Variants in CSMD2 observed in about 807,000 individuals in gnomAD.
The protein encoded by CSMD2 is CUB and sushi domain-containing protein 2.
CSMD2 carries 130 observed loss-of-function variants against 398.5 expected under a neutral mutation model. The observed-to-expected ratio is 0.33, with a 90% CI of 0.28 to 0.38. The LOEUF is 0.38. Ranked by LOEUF, CSMD2 falls within the 10% of genes least tolerant of loss-of-function variation. CSMD2 has a pLI of 1.00. For synonymous variants in CSMD2, 1,828 were observed against 1,908.5 expected (o/e 0.96, Z 1.10); for missense variants, 3,829 against 4,764.9 (o/e 0.80, Z 5.78).
chr1:33,579,087 C>T lies in CSMD2; in HGVS notation c.7388-1603G>A, dbSNP rs866206448. ...CGCCATGTAATTAACTCACTTTCTA[C>T]GTGGCATATGTATTGTAATTACAAC... is the stretch of plus-strand genomic sequence containing the variant. On this transcript the variant is annotated intron_variant, in intron 48 of 70. Transcript: ENST00000373381. Among the ~76,000 whole-genome samples the T allele has an allele frequency of 7.2e-5, 11 of 152,270 alleles. No individual in the cohort carries two copies. The East Asian group carries it at 7.7e-4, about 11-fold the overall frequency.
At chr1:34,118,390 C>T (rs754550767) in intron 1 of CSMD2, among the ~76,000 whole-genome samples, 10 of 152,210 alleles carry the variant, frequency 6.6e-5, no homozygotes, top group East Asian at 5.8e-4. Flanking sequence ...CCAGTCTATT[C>T]GGTATAATAC....
chr1:33,734,811 A>AAAAAAGAAAAGG (rs1646833020), intron 15 of CSMD2, among the ~76,000 whole-genome samples: 1 of 152,084 alleles, frequency 6.6e-6, no homozygotes. Context: ...AAAGAAAAAG[A>AAAAAAGAAAAGG]AAAAAGAAAA....
At chr1:34,120,980 T>G (rs1662124265) in intron 1 of CSMD2, among the ~76,000 whole-genome samples, 1 of 152,198 alleles carries the variant, frequency 6.6e-6, no homozygotes, top group African/African-American at 2.4e-5. Context: ...ACCCAACATA[T>G]TACATATTTA....
chr1:33,993,542 T>A lies in CSMD2; in HGVS notation c.517+39052A>T, dbSNP rs995457853. ...TTCTCTATCAGCAAGTCCACACTTC[T>A]ACACCCTCAGCCAGCCTCTCCCTCT... is the stretch of plus-strand genomic sequence containing the variant. On this transcript the variant is annotated intron_variant, in intron 3 of 70. Transcript: ENST00000373381. 2.0e-5 allele frequency among the ~76,000 whole-genome samples: 3 copies of A among 150,024 alleles called. No homozygotes were observed. The East Asian group carries it at 6.7e-4, about 34-fold the overall frequency.
chr1:33,626,747 C>T (rs1268288367), intron 32 of CSMD2, among the ~76,000 whole-genome samples, 166 bp from the exon 33 acceptor site: 4 of 152,336 alleles, frequency 2.6e-5, no homozygotes, highest in South Asian at 2.1e-4. Flanking sequence ...CTGCACTTTA[C>T]AATTTAAAGT....
intron 53 of CSMD2, among the ~76,000 whole-genome samples, chr1:33,566,382 G>T (rs183667075): frequency 3.3e-5 from 5 of 151,730 alleles, no homozygotes; most frequent in African/African-American, 1.2e-4. Context: ...AGTCAAATAC[G>T]TAGAAACAGA....
chr1:33,614,077 T>A (rs1253185083), intron 40 of CSMD2, among the ~76,000 whole-genome samples: 2 of 152,160 alleles, frequency 1.3e-5, no homozygotes, highest in African/African-American at 4.8e-5. Flanking sequence ...GGATGATAAA[T>A]TAGACACTGG....
intron 1 of CSMD2, among the ~76,000 whole-genome samples, chr1:34,129,279 C>CGT (rs375531212): frequency 6.6e-6 from 1 of 151,986 alleles, no homozygotes; most frequent in Middle Eastern, 3.4e-3. Context: ...TGTGTAGAAG[C>CGT]GTGTGTGTGT....
At chr1:34,090,221 G>A (rs1311796087) in intron 1 of CSMD2, among the ~76,000 whole-genome samples, 1 of 152,156 alleles carries the variant, frequency 6.6e-6, no homozygotes, top group Non-Finnish European at 1.5e-5. Context: ...GATCGACACC[G>A]GGGTGGAGCT....
chr1:33,678,816 C>G (rs1251803909), intron 25 of CSMD2, among the ~76,000 whole-genome samples: 2 of 152,128 alleles, frequency 1.3e-5, no homozygotes, highest in Admixed American at 6.5e-5. Context: ...AAATAAAAGG[C>G]TCTTCTCTTC....
intron 26 of CSMD2, among the ~76,000 whole-genome samples, chr1:33,659,648 G>A (rs977021473): frequency 2.0e-5 from 3 of 152,226 alleles, no homozygotes; most frequent in Non-Finnish European, 1.5e-5. Flanking sequence ...TCCTGAGGAT[G>A]CACACCCATT....
At chr1:33,865,068 G>T (rs1469801388) in intron 5 of CSMD2, among the ~76,000 whole-genome samples, 2 of 150,924 alleles carry the variant, frequency 1.3e-5, no homozygotes, top group Admixed American at 1.3e-4. Context: ...CACTGGGTGG[G>T]AGCCTCCAGG....
intron 5 of CSMD2, among the ~76,000 whole-genome samples, chr1:33,855,284 T>C (rs1333737351): frequency 1.3e-5 from 2 of 152,106 alleles, no homozygotes; most frequent in African/African-American, 2.4e-5. Flanking sequence ...ATATGACCCA[T>C]AGGCTACAGC....
rs1278605438 is a variant in CSMD2, at chr1:33,564,101, A to ACAG, written c.8380+3489_8380+3491dup. ...TCTTCATCATCATCATCATCACACA[A>ACAG]CAGCAGCAGCAGCAGCAGCAACTGC... On this transcript the variant is annotated intron_variant, in intron 53 of 70. Transcript: ENST00000373381. Among the ~76,000 whole-genome samples the ACAG allele has an allele frequency of 2.1e-3, 325 of 152,072 alleles. 6 individuals carry two copies. Among genetic ancestry groups the ACAG allele is most frequent in the African/African-American group, 7.3e-3 (303 of 41,494 alleles).
chr1:33,649,996 T>C (rs1457212519), intron 28 of CSMD2, among the ~76,000 whole-genome samples: 1 of 152,194 alleles, frequency 6.6e-6, no homozygotes, highest in East Asian at 1.9e-4. Flanking sequence ...ACACCATGGC[T>C]GGGTGACACG....
At chr1:33,724,392 C>G (rs570047161) in intron 18 of CSMD2, 79 bp from the exon 19 acceptor site, 1 of 1,494,296 alleles carries the variant, frequency 6.7e-7, no homozygotes, top group East Asian at 2.3e-5. Context: ...GGACCCCATC[C>G]CCCATCTCTC....
At chr1:33,569,597 T>C (rs754913059) in intron 51 of CSMD2, 50 bp from the exon 52 acceptor site, 2 of 1,573,822 alleles carry the variant, frequency 1.3e-6, no homozygotes, top group South Asian at 2.3e-5. Flanking sequence ...AGGAGGGACA[T>C]GGCTGCTTCT....
intron 28 of CSMD2, 46 bp downstream of exon 28, chr1:33,652,277 A>G: frequency 6.2e-7 from 1 of 1,601,216 alleles, no homozygotes; most frequent in South Asian, 1.1e-5. Context: ...CAGAGCCCCT[A>G]GCCACTCTGA....
chr1:33,735,888 G>C (rs192433935), intron 15 of CSMD2, among the ~76,000 whole-genome samples: 9 of 152,308 alleles, frequency 5.9e-5, no homozygotes, highest in Admixed American at 5.9e-4. Flanking sequence ...CTCTACCAAG[G>C]CTCAGACAAA....
Sources: allele counts gnomAD v4.1 joint callset (sites outside exome capture counted in the v4.1 genomes callset), GRCh38; gene constraint gnomAD v4.1.1; transcripts MANE v1.5; gene names NCBI Gene and HGNC (gene_info 2026-07-23, HGNC 2026-07-21).